Variants in AUTS2 observed in about 807,000 individuals in gnomAD.
The protein encoded by AUTS2 is activator of transcription and developmental regulator AUTS2.
AUTS2 carries 17 observed loss-of-function variants against 112.4 expected under a neutral mutation model. The observed-to-expected ratio is 0.15, with a 90% CI of 0.10 to 0.23. The LOEUF (loss-of-function observed/expected upper bound fraction) is 0.23. Ranked by LOEUF, AUTS2 falls within the 10% of genes least tolerant of loss-of-function variation. AUTS2 has a pLI of 1.00. For synonymous variants in AUTS2, 751 were observed against 702.7 expected, an observed-to-expected ratio of 1.07 and a Z score of -1.09; for missense variants, 1,510 against 1,701.6, an observed-to-expected ratio of 0.89 and a Z score of 1.98.
At chr7:70,555,727 G>A (rs921558689) in intron 5 of AUTS2, among the ~76,000 whole-genome samples, 3 of 151,774 alleles carry the variant, frequency 2.0e-5, no homozygotes, top group African/African-American at 4.8e-5. Flanking sequence ...AAGAAAAGAG[G>A]TTTCATTGGC....
At chr7:69,698,235 T>C (rs1797642383) in intron 1 of AUTS2, among the ~76,000 whole-genome samples, 1 of 152,176 alleles carries the variant, frequency 6.6e-6, no homozygotes, top group African/African-American at 2.4e-5. Context: ...AGTGACATAG[T>C]AGTTGTCTCT....
At chr7:70,735,652 T>C (rs1405605707) in intron 6 of AUTS2, among the ~76,000 whole-genome samples, 1 of 152,172 alleles carries the variant, frequency 6.6e-6, no homozygotes, top group African/African-American at 2.4e-5. Context: ...ATGTGTTGGC[T>C]CTACTGTGGT....
chr7:69,911,770 G>T (rs2129541880), intron 2 of AUTS2, among the ~76,000 whole-genome samples: 1 of 152,236 alleles, frequency 6.6e-6, no homozygotes, highest in East Asian at 1.9e-4. Context: ...CATGTTGATT[G>T]GTCCATGGGC....
At chr7:70,142,033 C>T (rs974056977) in intron 4 of AUTS2, among the ~76,000 whole-genome samples, 1 of 152,190 alleles carries the variant, frequency 6.6e-6, no homozygotes, top group African/African-American at 2.4e-5. Context: ...TTTCCAGTTG[C>T]AACCAATAAT....
At chr7:69,895,662 T>C (rs1794716118) in intron 1 of AUTS2, among the ~76,000 whole-genome samples, 1 of 152,126 alleles carries the variant, frequency 6.6e-6, no homozygotes. Flanking sequence ...CCATTTGCTC[T>C]GTGTAGCTAT....
At chr7:70,496,481 C>A (rs1455209708) in intron 5 of AUTS2, among the ~76,000 whole-genome samples, 3 of 132,640 alleles carry the variant, frequency 2.3e-5, no homozygotes, top group South Asian at 5.3e-4. Context: ...ACACACACAC[C>A]CCACACACAT....
At position 70,791,096 on chromosome 7, in the gene AUTS2, G is replaced by A. The variant is rs1791922949; in HGVS notation, c.*100G>A. The stretch of plus-strand genomic sequence containing the variant: ...CTGCATGGCTCACACAGACTGGGGG[G>A]GAAAGCCCCACCCCTTCCCCTTGTA... On this transcript the variant is annotated 3_prime_UTR_variant, in exon 19 of 19. Coordinates refer to ENST00000342771, the MANE Select transcript of AUTS2 (RefSeq NM_015570.4). 8.3e-7 allele frequency: 1 copy of A among 1,208,576 alleles called. No homozygotes were observed. Among genetic ancestry groups the A allele is most frequent in the Non-Finnish European group, 1.1e-6 (1 of 934,314 alleles). The allele number at this position is 1,208,576 out of a possible 1,614,324, so 74.9% of individuals were successfully genotyped here.
At chr7:69,621,733 AT>A (rs1793673922) in intron 1 of AUTS2, among the ~76,000 whole-genome samples, 1 of 152,148 alleles carries the variant, frequency 6.6e-6, no homozygotes, top group Non-Finnish European at 1.5e-5. Flanking sequence ...GGTGGTAGAC[AT>A]TTTAGGAGCT....
intron 5 of AUTS2, among the ~76,000 whole-genome samples, chr7:70,479,471 G>C (rs755435526): frequency 6.6e-6 from 1 of 152,092 alleles, no homozygotes; most frequent in Admixed American, 6.6e-5. Flanking sequence ...CCACTTCCCC[G>C]GAGTCCACAG....
At position 70,454,721 on chromosome 7, in the gene AUTS2, T is replaced by C. The variant is rs989761273; in HGVS notation, c.690+18940T>C. Among the ~76,000 whole-genome samples the C allele has an allele frequency of 2.6e-5, 4 of 152,180 alleles. No homozygotes were observed. The South Asian group carries it at 6.2e-4, about 24-fold the overall frequency. The stretch of plus-strand genomic sequence containing the variant: ...TCGCCTTTGAGTTTCTAACTCTGCC[T>C]ATCTCTGGAATCCACTGAGGAGGAA... On this transcript the variant is annotated intron_variant, in intron 5 of 18. Coordinates refer to ENST00000342771, the MANE Select transcript of AUTS2 (RefSeq NM_015570.4).
At chr7:69,861,522 G>A (rs1319767588) in intron 1 of AUTS2, among the ~76,000 whole-genome samples, 1 of 152,142 alleles carries the variant, frequency 6.6e-6, no homozygotes, top group East Asian at 1.9e-4. Context: ...AGCCGATAAA[G>A]GATTATTGAA....
intron 2 of AUTS2, among the ~76,000 whole-genome samples, chr7:70,064,741 T>C (rs1168263066): frequency 6.6e-6 from 1 of 152,204 alleles, no homozygotes; most frequent in African/African-American, 2.4e-5. Context: ...AGAGTCATAG[T>C]ATGGAGAAAG....
At chr7:70,185,604 T>A (rs1302149446) in intron 4 of AUTS2, among the ~76,000 whole-genome samples, 2 of 152,236 alleles carry the variant, frequency 1.3e-5, no homozygotes, top group African/African-American at 2.4e-5. Context: ...TCACGTTTTA[T>A]GCTATTTAGG....
intron 5 of AUTS2, among the ~76,000 whole-genome samples, chr7:70,670,797 G>GT (rs1159591970): frequency 2.6e-5 from 4 of 152,250 alleles, no homozygotes; most frequent in Admixed American, 6.5e-5. Context: ...CCCGCATCCT[G>GT]TTTTTTGGAA....
rs1479489488 is a variant in AUTS2 at position 70,063,769 on chromosome 7, T to G, written c.523-54363T>G. Among the ~76,000 whole-genome samples the G allele has an allele frequency of 1.3e-5, 2 of 152,192 alleles. 1 individual carries two copies. The highest frequency in any genetic ancestry group is 4.8e-5 in the African/African-American group (2 of 41,440). On this transcript the variant is annotated intron_variant, in intron 2 of 18. Coordinates refer to ENST00000342771, the MANE Select transcript of AUTS2 (RefSeq NM_015570.4). Reference sequence around the variant, plus strand: ...CCGCGAAAAGAGCTCAGGATCCTGCTCAGCCACACTTCACCTGCTCTCCAG... The same window carrying G: ...CCGCGAAAAGAGCTCAGGATCCTGCGCAGCCACACTTCACCTGCTCTCCAG...
At chr7:69,663,466 G>T (rs1003847925) in intron 1 of AUTS2, among the ~76,000 whole-genome samples, 2 of 152,154 alleles carry the variant, frequency 1.3e-5, no homozygotes, top group South Asian at 4.1e-4. Context: ...TTATGCTGGA[G>T]ATCATTTTCA....
intron 8 of AUTS2, among the ~76,000 whole-genome samples, chr7:70,765,240 G>T (rs1050366087): frequency 1.7e-4 from 26 of 152,154 alleles, no homozygotes; most frequent in Non-Finnish European, 3.2e-4. Flanking sequence ...GAGTGGGTTT[G>T]TTTGGAGTTA....
At chr7:70,050,522 G>A (rs1435682988) in intron 2 of AUTS2, among the ~76,000 whole-genome samples, 2 of 152,006 alleles carry the variant, frequency 1.3e-5, no homozygotes, top group African/African-American at 4.8e-5. Context: ...TAGCCTTCTT[G>A]TGCCTCTTGT....
At chr7:70,277,150 G>C (rs756695087) in intron 4 of AUTS2, among the ~76,000 whole-genome samples, 276 of 152,324 alleles carry the variant, frequency 1.8e-3, no homozygotes, top group Middle Eastern at 3.4e-3. Context: ...GGACTCCTAG[G>C]ATGGATCTGT....
Sources: gnomAD v4.1 joint callset for allele counts (sites outside exome capture counted in the v4.1 genomes callset) on GRCh38, gnomAD v4.1.1 for gene constraint, MANE v1.5 for transcripts, NCBI Gene and HGNC (gene_info 2026-07-23, HGNC 2026-07-21) for gene names.